AUTS2: variants seen among roughly 807,000 people sequenced by gnomAD.
AUTS2 encodes the protein activator of transcription and developmental regulator AUTS2, also known as autism susceptibility gene 2 protein.
In AUTS2, 17 loss-of-function variants were observed where a neutral mutation model predicts 112.4. The ratio of observed to expected loss-of-function variants is 0.15; its 90% confidence interval spans 0.10 to 0.23. AUTS2 has a LOEUF of 0.23. Among genes scored for constraint, AUTS2 ranks in the 10% least tolerant of loss-of-function variants. AUTS2 has a pLI of 1.00. For synonymous variants in AUTS2, 751 were observed against 702.7 expected (o/e 1.07, Z -1.09); for missense variants, 1,510 against 1,701.6 (o/e 0.89, Z 1.98).
In AUTS2 at chr7:70,269,420, T is replaced by C. The variant is rs1198927795; in HGVS notation, c.660+134849T>C. On this transcript the variant is annotated intron_variant, in intron 4 of 18. Transcript: ENST00000342771. ...CAAGAACTGGGGGATGGGGGTGTTC[T>C]GGTCTTGTCACAGGTGGGTGCCACA... 2.0e-5 allele frequency among the ~76,000 whole-genome samples: 3 copies of C among 152,170 alleles called. No homozygotes were observed. The East Asian group carries it at 5.8e-4, about 29-fold the overall frequency.
chr7:69,992,456 G>A (rs1798777491), intron 2 of AUTS2, among the ~76,000 whole-genome samples: 2 of 152,184 alleles, frequency 1.3e-5, no homozygotes. Flanking sequence ...GTAATGGAGA[G>A]CTTGATTGGA....
chr7:69,753,850 A>G (rs912127746), intron 1 of AUTS2, among the ~76,000 whole-genome samples: 1 of 152,326 alleles, frequency 6.6e-6, no homozygotes, highest in East Asian at 1.9e-4. Context: ...AGTCTCCCTG[A>G]GGTTCAGGTT....
chr7:70,334,541 T>C (rs191346977), intron 4 of AUTS2, among the ~76,000 whole-genome samples: 6 of 152,252 alleles, frequency 3.9e-5, no homozygotes, highest in Non-Finnish European at 7.4e-5. Context: ...AGATTCTGAG[T>C]AGATCAGGGA....
chr7:70,598,038 A>T (rs1217521896), intron 5 of AUTS2, among the ~76,000 whole-genome samples: 3 of 152,200 alleles, frequency 2.0e-5, no homozygotes, highest in Non-Finnish European at 4.4e-5. Context: ...CATGCGTTTT[A>T]AAGTTTGCAG....
chr7:70,213,180 A>G (rs1810997175), intron 4 of AUTS2, among the ~76,000 whole-genome samples: 1 of 152,120 alleles, frequency 6.6e-6, no homozygotes, highest in Non-Finnish European at 1.5e-5. Context: ...TTTTAAAAAA[A>G]GAAATAGATA....
intron 5 of AUTS2, among the ~76,000 whole-genome samples, chr7:70,454,569 T>A (rs1048394248): frequency 1.3e-5 from 2 of 151,958 alleles, no homozygotes; most frequent in Non-Finnish European, 2.9e-5. Flanking sequence ...AAAATTTATA[T>A]ATAAAATACC....
rs149395876 is a variant in AUTS2, at chr7:70,174,597, C to T, written c.660+40026C>T. On this transcript the variant is annotated intron_variant, in intron 4 of 18. Transcript: ENST00000342771. ...AGCTTCAAAGGACAGGCTGACTCTT[C>T]GTAGGAGGCTAATGTAGCTGGTGAC... is the stretch of plus-strand genomic sequence containing the variant. 3.9e-4 allele frequency among the ~76,000 whole-genome samples: 59 copies of T among 152,280 alleles called. 1 individual carries two copies. In the South Asian group the frequency reaches 0.011, roughly 29 times the overall value.
intron 4 of AUTS2, among the ~76,000 whole-genome samples, chr7:70,288,327 G>A (rs532039736): frequency 2.3e-4 from 35 of 152,226 alleles, no homozygotes; most frequent in Admixed American, 8.5e-4. Flanking sequence ...GCGTGAACCC[G>A]GGAGGCGGAG....
intron 17 of AUTS2, among the ~76,000 whole-genome samples, chr7:70,786,372 A>G (rs1197416901): frequency 6.6e-6 from 1 of 151,550 alleles, no homozygotes; most frequent in Non-Finnish European, 1.5e-5. Context: ...AGTGAAAGCA[A>G]TAGTTACAGC....
chr7:69,612,101 T>C (rs1793072268), intron 1 of AUTS2, among the ~76,000 whole-genome samples: 2 of 152,226 alleles, frequency 1.3e-5, no homozygotes, highest in South Asian at 4.1e-4. Context: ...TCACTGACGA[T>C]GATTATAATA....
At chr7:70,334,856 A>G (rs923528779) in intron 4 of AUTS2, among the ~76,000 whole-genome samples, 5 of 152,100 alleles carry the variant, frequency 3.3e-5, no homozygotes, top group African/African-American at 1.2e-4. Flanking sequence ...TTGTTGGTTT[A>G]TTTCTAGTTA....
chr7:69,979,413 A>G (rs1041991069), intron 2 of AUTS2, among the ~76,000 whole-genome samples: 3 of 152,218 alleles, frequency 2.0e-5, no homozygotes, highest in African/African-American at 4.8e-5. Context: ...TGACAGCTCA[A>G]ATAACCCTTA....
chr7:69,971,301 A>G (rs1231981584), intron 2 of AUTS2, among the ~76,000 whole-genome samples: 2 of 152,226 alleles, frequency 1.3e-5, no homozygotes, highest in African/African-American at 2.4e-5. Flanking sequence ...CTTGGGCAAT[A>G]TATTGAAACT....
chr7:70,477,891 C>T (rs187164231), intron 5 of AUTS2, among the ~76,000 whole-genome samples: 8 of 152,370 alleles, frequency 5.3e-5, no homozygotes, highest in African/African-American at 1.7e-4. Flanking sequence ...TTGGGTCATC[C>T]GGGGAACTGG....
At position 70,775,308 on chromosome 7, in the gene AUTS2, A is replaced by G. The variant is rs199649308; in HGVS notation, c.1903-49A>G. The G allele has an allele frequency of 1.9e-5, 29 of 1,552,546 alleles. No individual in the cohort carries two copies. In the East Asian group the frequency reaches 4.1e-4, roughly 22 times the overall value. On this transcript the variant is annotated intron_variant, in intron 12 of 18. Coordinates refer to ENST00000342771, the MANE Select transcript of AUTS2 (RefSeq NM_015570.4). The stretch of plus-strand genomic sequence containing the variant: ...CACTACAAATTTGTTAATTAGAGCA[A>G]TTGTTTGAGTGACAGGCATGTAACC...
intron 2 of AUTS2, among the ~76,000 whole-genome samples, chr7:70,088,609 GT>G (rs1803744270): frequency 6.9e-6 from 1 of 145,422 alleles, no homozygotes; most frequent in East Asian, 2.1e-4. Context: ...TTGTTTGTTT[GT>G]TTTGTTTTGT....
At chr7:70,485,855 C>A (rs1375977603) in intron 5 of AUTS2, among the ~76,000 whole-genome samples, 1 of 152,064 alleles carries the variant, frequency 6.6e-6, no homozygotes, top group Non-Finnish European at 1.5e-5. Context: ...CAGGGTGCAG[C>A]TGTGGCCAGC....
chr7:70,622,994 T>C (rs2129536971), intron 5 of AUTS2, among the ~76,000 whole-genome samples: 1 of 152,346 alleles, frequency 6.6e-6, no homozygotes, highest in East Asian at 1.9e-4. Context: ...AATTACCACA[T>C]TTCAATGAAC....
At chr7:70,056,340 G>A (rs2129560068) in intron 2 of AUTS2, among the ~76,000 whole-genome samples, 1 of 152,266 alleles carries the variant, frequency 6.6e-6, no homozygotes, top group African/African-American at 2.4e-5. Context: ...ATGCCTAGAT[G>A]TATCTTCAGC....
Sources: gnomAD v4.1 joint callset for allele counts (sites outside exome capture counted in the v4.1 genomes callset) on GRCh38, gnomAD v4.1.1 for gene constraint, MANE v1.5 for transcripts, NCBI Gene and HGNC (gene_info 2026-07-23, HGNC 2026-07-21) for gene names.